Variants in MXRA7 observed in about 807,000 individuals in gnomAD.
The protein encoded by MXRA7 is matrix-remodeling-associated protein 7.
Under a neutral mutation model 17.4 loss-of-function variants are expected in MXRA7, and 18 were observed. The ratio of observed to expected loss-of-function variants is 1.03; its 90% CI spans 0.71 to 1.53. The LOEUF (loss-of-function observed/expected upper bound fraction) is 1.53. Ranked by LOEUF, MXRA7 falls within the 40% of genes most tolerant of loss-of-function variation. The pLI, the probability that MXRA7 is intolerant of heterozygous loss-of-function variation, is 0.00. For synonymous variants in MXRA7, 70 were observed against 101.7 expected, an observed-to-expected ratio of 0.69 and a Z score of 1.87; for missense variants, 141 against 209.3, an observed-to-expected ratio of 0.67 and a Z score of 2.01.
At chr17:76,691,987 C>T (rs941125162) in intron 1 of MXRA7, among the ~76,000 whole-genome samples, 4 of 152,140 alleles carry the variant, frequency 2.6e-5, no homozygotes, top group Non-Finnish European at 4.4e-5. Context: ...AGGGCAGATC[C>T]GTATCCCCAA....
downstream of MXRA7, among the ~76,000 whole-genome samples, chr17:76,678,393 T>C (rs2076258128): frequency 6.6e-6 from 1 of 152,204 alleles, no homozygotes; most frequent in African/African-American, 2.4e-5. Flanking sequence ...TTGTTATCTT[T>C]ATGAGGCTCA....
chr17:76,703,243 A>G (rs1384196013), intron 1 of MXRA7, among the ~76,000 whole-genome samples: 1 of 152,312 alleles, frequency 6.6e-6, no homozygotes, highest in South Asian at 2.1e-4. Context: ...TCTCACCCAG[A>G]GGTCAGGTTG....
chr17:76,706,334 T>TGCCATCACAGAGGCCCACTCC (rs2076659496), intron 1 of MXRA7, among the ~76,000 whole-genome samples: 2 of 82,328 alleles, frequency 2.4e-5, no homozygotes, highest in Admixed American at 2.5e-4. Flanking sequence ...AGGACCACGC[T>TGCCATCACAGAGGCCCACTCC]GCCATCACAG....
In MXRA7 at chr17:76,705,366, T is replaced by C. The variant is rs1297564162; in HGVS notation, c.342+5239A>G. ...TCCAAGGCATCTTCTATTCAGTTGCTCTATATCGTTATAGTTATTGTGAAT... is the reference window on the plus strand; with the variant it reads ...TCCAAGGCATCTTCTATTCAGTTGCCCTATATCGTTATAGTTATTGTGAAT... On this transcript the variant is annotated intron_variant, in intron 1 of 3. Transcript: ENST00000449428. 4.6e-5 allele frequency among the ~76,000 whole-genome samples: 7 copies of C among 152,260 alleles called. No individual in the cohort carries two copies. The East Asian group carries it at 1.3e-3, about 29-fold the overall frequency.
chr17:76,710,918 G>A lies in MXRA7; in HGVS notation c.29C>T (p.Ala10Val), dbSNP rs1419758842. Reference protein sequence around the residue: MEAPAELLAALPALATALAL... With the variant: MEAPAELLAVLPALATALAL... ...CAGCGCGGTGGCCAGCGCAGGCAGC[G>A]CGGCCAGTAGCTCGGCCGGCGCCTC... The change falls in exon 1 of 4, where the codon GCG (alanine) becomes GTG (valine). Residue 10 changes from alanine (A) to valine (V), a missense_variant. Coordinates refer to ENST00000449428, the MANE Select transcript of MXRA7 (RefSeq NM_198530.4). 2.0e-6 allele frequency: 2 copies of A among 1,000,922 alleles called. No individual in the cohort carries two copies. Among genetic ancestry groups the A allele is most frequent in the East Asian group, 1.1e-4 (1 of 9,238 alleles). The allele number at this position is 1,000,922 out of a possible 1,614,324, so 62.0% of individuals were successfully genotyped here.
At chr17:76,684,019 G>A in intron 3 of MXRA7, 5 of 1,028,350 alleles carry the variant, frequency 4.9e-6, no homozygotes, top group Non-Finnish European at 7.7e-6. Flanking sequence ...TCTTCCTCCT[G>A]GCTGTGCTTA....
At chr17:76,705,064 C>T (rs1386426431) in intron 1 of MXRA7, among the ~76,000 whole-genome samples, 1 of 152,200 alleles carries the variant, frequency 6.6e-6, no homozygotes, top group Non-Finnish European at 1.5e-5. Flanking sequence ...AGGAAACTGT[C>T]TGCATGCTCA....
rs1160904509 is a variant in MXRA7 at position 76,684,997 on chromosome 17, G to A, written c.500+75C>T. 16 of 1,248,732 alleles carry A rather than the reference G, an allele frequency of 1.3e-5. 1 individual carries two copies. Among genetic ancestry groups the A allele is most frequent in the Admixed American group, 1.2e-4 (7 of 57,600 alleles). The allele number at this position is 1,248,732 out of a possible 1,614,324, so 77.4% of individuals were successfully genotyped here. A position where few individuals can be genotyped will look rare whatever the true frequency, so the allele number is the denominator to read the frequency against. On this transcript the variant is annotated intron_variant, in intron 3 of 3. Coordinates refer to ENST00000449428, the MANE Select transcript of MXRA7 (RefSeq NM_198530.4). ...TCTGGGCCCTTCTGCCAAGGGGCAG[G>A]AACATGAAGGGCTCAGAGGGGCACC...
At chr17:76,707,144 G>C (rs1468385047) in intron 1 of MXRA7, among the ~76,000 whole-genome samples, 1 of 152,138 alleles carries the variant, frequency 6.6e-6, no homozygotes, top group Non-Finnish European at 1.5e-5. Flanking sequence ...GTCCTTTATA[G>C]CTCCCTTCTC....
At chr17:76,710,523 C>T in intron 1 of MXRA7, 82 bp downstream of exon 1, 9 of 1,149,466 alleles carry the variant, frequency 7.8e-6, no homozygotes, top group Non-Finnish European at 9.8e-6. Flanking sequence ...GCCGCGGCCC[C>T]GCTCCCTGGC....
At chr17:76,688,700 C>T (rs1385069240) in intron 1 of MXRA7, 3 of 1,230,870 alleles carry the variant, frequency 2.4e-6, no homozygotes, top group South Asian at 8.3e-5. Flanking sequence ...CACACAGAGA[C>T]ACAATAAACA....
At chr17:76,682,721 G>A (rs1183023849) in intron 3 of MXRA7, among the ~76,000 whole-genome samples, 1 of 152,138 alleles carries the variant, frequency 6.6e-6, no homozygotes, top group Non-Finnish European at 1.5e-5. Context: ...GGAGCCACAG[G>A]GAGCATGCGG....
intron 1 of MXRA7, among the ~76,000 whole-genome samples, chr17:76,693,804 A>G (rs943664202): frequency 1.3e-5 from 2 of 152,198 alleles, no homozygotes; most frequent in African/African-American, 4.8e-5. Context: ...TCACACCACT[A>G]CACTCCAGCC....
intron 1 of MXRA7, among the ~76,000 whole-genome samples, chr17:76,693,942 C>T (rs369873081): frequency 2.5e-4 from 38 of 152,280 alleles, no homozygotes; most frequent in African/African-American, 8.9e-4. Context: ...TATTGTGACA[C>T]CTAATTAAAA....
At position 76,704,484 on chromosome 17, in the gene MXRA7, C is replaced by T. The variant is rs186069643; in HGVS notation, c.342+6121G>A. 4.8e-5 allele frequency among the ~76,000 whole-genome samples: 7 copies of T among 146,826 alleles called. No individual in the cohort carries two copies. The East Asian group carries it at 6.5e-4, about 14-fold the overall frequency. On this transcript the variant is annotated intron_variant, in intron 1 of 3. Coordinates refer to ENST00000449428, the MANE Select transcript of MXRA7 (RefSeq NM_198530.4). Reference sequence around the variant, plus strand: ...CCTCCCAAAGTGCTAGGTTTACAGTCGTGAGCCACCGCGCCCGGCCAGCTT... The same window carrying T: ...CCTCCCAAAGTGCTAGGTTTACAGTTGTGAGCCACCGCGCCCGGCCAGCTT...
At chr17:76,700,621 G>A (rs2076579566) in intron 1 of MXRA7, among the ~76,000 whole-genome samples, 1 of 152,252 alleles carries the variant, frequency 6.6e-6, no homozygotes, top group Non-Finnish European at 1.5e-5. Context: ...TTGTGGCATT[G>A]TGGCGTATTT....
At chr17:76,692,092 G>A (rs906137992) in intron 1 of MXRA7, among the ~76,000 whole-genome samples, 10 of 151,992 alleles carry the variant, frequency 6.6e-5, no homozygotes, top group African/African-American at 1.2e-4. Context: ...GCTCACACCT[G>A]TAATCACAGC....
intron 1 of MXRA7, among the ~76,000 whole-genome samples, chr17:76,693,903 A>G (rs2076504679): frequency 6.6e-6 from 1 of 152,354 alleles, no homozygotes; most frequent in East Asian, 1.9e-4. Context: ...GTGACTTTAT[A>G]TACAGGATGT....
intron 1 of MXRA7, 62 bp from the exon 2 acceptor site, chr17:76,688,238 G>A (rs1483947413): frequency 1.9e-6 from 3 of 1,607,152 alleles, no homozygotes; most frequent in African/African-American, 2.7e-5. Flanking sequence ...AGTGGTGGGG[G>A]GGCAGAAGGT....
Sources: gnomAD v4.1 joint callset for allele counts (sites outside exome capture counted in the v4.1 genomes callset) on GRCh38, gnomAD v4.1.1 for gene constraint, MANE v1.5 for transcripts, NCBI Gene and HGNC (gene_info 2026-07-23, HGNC 2026-07-21) for gene names.